Variants in PDGFD observed in about 807,000 individuals in gnomAD.
The protein encoded by PDGFD is platelet derived growth factor D, also known as platelet-derived growth factor D.
A neutral mutation model predicts 44.7 loss-of-function variants in PDGFD; 30 were observed. That is an observed-to-expected ratio of 0.67 (90% confidence interval 0.50 to 0.91). The LOEUF is 0.91. PDGFD is among the 40% of genes least tolerant of loss of function. The pLI, the probability that PDGFD is intolerant of heterozygous loss-of-function variation, is 0.00. For synonymous variants in PDGFD, 173 were observed against 168.4 expected, an observed-to-expected ratio of 1.03 and a Z score of -0.21; for missense variants, 445 against 457.8, an observed-to-expected ratio of 0.97 and a Z score of 0.25.
At chr11:104,120,251 T>C (rs1565341376) in intron 1 of PDGFD, among the ~76,000 whole-genome samples, 1 of 151,740 alleles carries the variant, frequency 6.6e-6, no homozygotes, top group African/African-American at 2.4e-5. Flanking sequence ...ATGGCTAAAT[T>C]GTTGCAATTG....
At chr11:103,920,471 A>T (rs1858197345) in intron 6 of PDGFD, among the ~76,000 whole-genome samples, 1 of 152,252 alleles carries the variant, frequency 6.6e-6, no homozygotes, top group Non-Finnish European at 1.5e-5. Flanking sequence ...CACTCATGAC[A>T]CAGATGGGCC....
At chr11:104,013,992 A>G (rs1264391478) in intron 1 of PDGFD, among the ~76,000 whole-genome samples, 1 of 152,148 alleles carries the variant, frequency 6.6e-6, no homozygotes, top group Non-Finnish European at 1.5e-5. Context: ...TTCAGTAGAT[A>G]AATTAGGATA....
intron 1 of PDGFD, among the ~76,000 whole-genome samples, chr11:104,059,094 C>T (rs1487854897): frequency 6.6e-6 from 1 of 152,168 alleles, no homozygotes; most frequent in South Asian, 2.1e-4. Context: ...ATTGTCAAAA[C>T]TCAACCTGTA....
intron 3 of PDGFD, among the ~76,000 whole-genome samples, chr11:103,990,350 T>C (rs1210536319): frequency 6.6e-6 from 1 of 152,180 alleles, no homozygotes; most frequent in Non-Finnish European, 1.5e-5. Context: ...ATATTTCAGG[T>C]CTCCATTGAA....
Position 104,036,683 on chromosome 11 carries a change from C to T in PDGFD, c.125-36428G>A, listed in dbSNP as rs1860238593. On this transcript the variant is annotated intron_variant, in intron 1 of 6. Coordinates refer to ENST00000393158, the MANE Select transcript of PDGFD (RefSeq NM_025208.5). ...CCCCCAGACAGATGAGTGTCCGCGCCTCTCTGAGAGGTGAATGAGCCCGGA... is the reference window on the plus strand; with the variant it reads ...CCCCCAGACAGATGAGTGTCCGCGCTTCTCTGAGAGGTGAATGAGCCCGGA... 5 of 694,462 alleles carry T rather than the reference C, an allele frequency of 7.2e-6. No homozygotes were observed. In the East Asian group the frequency reaches 1.0e-4, roughly 14 times the overall value. The allele number at this position is 694,462 out of a possible 1,614,324, so 43.0% of individuals were successfully genotyped here.
chr11:104,074,806 T>C (rs183106953), intron 1 of PDGFD, among the ~76,000 whole-genome samples: 48 of 152,292 alleles, frequency 3.2e-4, no homozygotes, highest in Non-Finnish European at 1.0e-4. Flanking sequence ...ATTGTGAGCA[T>C]GAGAATTCAG....
chr11:104,038,516 T>C lies in PDGFD; in HGVS notation c.125-38261A>G, dbSNP rs114152921. The C allele has an allele frequency of 2.5e-3, 430 of 173,162 alleles. 2 individuals are homozygous for C. Among genetic ancestry groups the C allele is most frequent in the African/African-American group, 0.01 (417 of 41,596 alleles). 10.7% of individuals were successfully genotyped at this position (173,162 alleles called of 1,614,324 possible). On this transcript the variant is annotated intron_variant, in intron 1 of 6. Coordinates refer to ENST00000393158, the MANE Select transcript of PDGFD (RefSeq NM_025208.5). ...ATTAGAAATGGTAGGTCAGTTACAC[T>C]ATGATGTTAACTAATACTTATACAT...
At chr11:104,072,250 T>C (rs1192735169) in intron 1 of PDGFD, among the ~76,000 whole-genome samples, 1 of 151,934 alleles carries the variant, frequency 6.6e-6, no homozygotes, top group East Asian at 1.9e-4. Flanking sequence ...TTTTCATTTA[T>C]TTAAAACTAC....
chr11:103,918,272 G>A (rs1591075523), intron 6 of PDGFD, among the ~76,000 whole-genome samples: 1 of 152,180 alleles, frequency 6.6e-6, no homozygotes, highest in Admixed American at 6.5e-5. Flanking sequence ...CTTGGAAGGG[G>A]TTGGGGTTTG....
intron 1 of PDGFD, among the ~76,000 whole-genome samples, chr11:104,114,005 A>C (rs1861597428): frequency 6.6e-6 from 1 of 152,122 alleles, no homozygotes; most frequent in Admixed American, 6.6e-5. Context: ...GTGCTTTAAC[A>C]GATAGATATT....
At chr11:104,009,402 CA>C (rs1402269189) in intron 1 of PDGFD, among the ~76,000 whole-genome samples, 2 of 151,338 alleles carry the variant, frequency 1.3e-5, no homozygotes, top group Non-Finnish European at 3.0e-5. Flanking sequence ...CAAAATGAAT[CA>C]AAATCAGTCC....
intron 1 of PDGFD, among the ~76,000 whole-genome samples, chr11:104,088,662 G>A (rs991667481): frequency 6.6e-6 from 1 of 152,180 alleles, no homozygotes. Flanking sequence ...GATGGCTCCA[G>A]CAAGGCAGGT....
chr11:104,135,699 A>G (rs912352136), intron 1 of PDGFD, among the ~76,000 whole-genome samples: 1 of 152,168 alleles, frequency 6.6e-6, no homozygotes, highest in African/African-American at 2.4e-5. Flanking sequence ...GGGAAATCTC[A>G]GTTCATATGG....
At chr11:103,983,741 A>C (rs1424570178) in intron 3 of PDGFD, among the ~76,000 whole-genome samples, 1 of 151,890 alleles carries the variant, frequency 6.6e-6, no homozygotes, top group East Asian at 1.9e-4. Context: ...TAACCCCATA[A>C]AAAAGTGGGC....
intron 3 of PDGFD, among the ~76,000 whole-genome samples, chr11:103,987,065 A>ACCC (rs10565380): frequency 3.5e-4 from 49 of 141,766 alleles, no homozygotes; most frequent in South Asian, 6.9e-4. Flanking sequence ...CCACTTTCCA[A>ACCC]CCCCCCCCCA....
At chr11:104,026,904 T>G (rs1860048871) in intron 1 of PDGFD, among the ~76,000 whole-genome samples, 2 of 152,234 alleles carry the variant, frequency 1.3e-5, no homozygotes, top group Non-Finnish European at 2.9e-5. Context: ...CTTATATTCT[T>G]GATGTCAAGT....
chr11:104,063,549 G>GT (rs928315056), intron 1 of PDGFD, among the ~76,000 whole-genome samples: 3 of 152,034 alleles, frequency 2.0e-5, no homozygotes, highest in Non-Finnish European at 4.4e-5. Context: ...GTATTAGTCC[G>GT]TTTTCACACT....
At chr11:104,139,337 G>T (rs7110257) in intron 1 of PDGFD, among the ~76,000 whole-genome samples, 1 of 151,984 alleles carries the variant, frequency 6.6e-6, no homozygotes, top group Non-Finnish European at 1.5e-5. Flanking sequence ...GGAGGCTGCC[G>T]GGGATATAAC....
intron 1 of PDGFD, among the ~76,000 whole-genome samples, chr11:104,131,582 C>A (rs549910919): frequency 1.3e-5 from 2 of 152,012 alleles, no homozygotes; most frequent in Non-Finnish European, 2.9e-5. Context: ...TATTCCAAAA[C>A]GTATTCATTA....
Sources: gnomAD v4.1 joint callset for allele counts (sites outside exome capture counted in the v4.1 genomes callset) on GRCh38, gnomAD v4.1.1 for gene constraint, MANE v1.5 for transcripts, NCBI Gene and HGNC (gene_info 2026-07-23, HGNC 2026-07-21) for gene names.